PI4K2B: variants seen among roughly 807,000 people sequenced by gnomAD.
PI4K2B encodes the protein phosphatidylinositol 4-kinase type 2-beta.
A neutral mutation model predicts 56.6 loss-of-function variants in PI4K2B; 46 were observed. That is an observed-to-expected ratio of 0.81 (90% CI 0.64 to 1.04). PI4K2B has a LOEUF of 1.04. PI4K2B is among the 50% of genes least tolerant of loss of function. The pLI is 0.00. For missense variants in PI4K2B, 556 were observed against 607.7 expected, an observed-to-expected ratio of 0.91 and a Z score of 0.89; for synonymous variants, 211 against 223.8, an observed-to-expected ratio of 0.94 and a Z score of 0.51.
At chr4:25,242,960 G>A (rs539855775) in intron 1 of PI4K2B, among the ~76,000 whole-genome samples, 15 of 152,330 alleles carry the variant, frequency 9.8e-5, no homozygotes, top group African/African-American at 3.1e-4. Context: ...GGACTTTCAG[G>A]CATAACAAGA....
At position 25,277,220 on chromosome 4, in the gene PI4K2B, G is replaced by T; in HGVS notation, c.*33G>T. On this transcript the variant is annotated 3_prime_UTR_variant, in exon 10 of 10. Coordinates refer to ENST00000264864, the MANE Select transcript of PI4K2B (RefSeq NM_018323.4). ...CAGAGTAAGAGAAACAAACTGTTTA[G>T]AATTATCATGTTTTTAAAACATCAT... The T allele has an allele frequency of 6.4e-7, 1 of 1,552,098 alleles. No homozygotes were observed. The highest frequency in any genetic ancestry group is 1.2e-5 in the South Asian group (1 of 81,598).
intron 6 of PI4K2B, 79 bp from the exon 7 acceptor site, chr4:25,263,671 A>G: frequency 1.8e-6 from 1 of 570,994 alleles, no homozygotes. Context: ...TTAAACCTCA[A>G]TAATTATTAT....
chr4:25,246,678 G>T (rs1715796554), intron 1 of PI4K2B, among the ~76,000 whole-genome samples: 1 of 152,236 alleles, frequency 6.6e-6, no homozygotes, highest in African/African-American at 2.4e-5. Flanking sequence ...GCAGAGGGTG[G>T]TGCTTGTTGG....
intron 6 of PI4K2B, among the ~76,000 whole-genome samples, chr4:25,263,177 T>G (rs1029994401): frequency 6.6e-6 from 1 of 152,114 alleles, no homozygotes; most frequent in African/African-American, 2.4e-5. Context: ...CACATAAGGA[T>G]TACAGGGGAT....
At chr4:25,267,884 T>C (rs1716723950) in intron 7 of PI4K2B, 12 of 983,850 alleles carry the variant, frequency 1.2e-5, no homozygotes, top group Non-Finnish European at 1.4e-5. Context: ...GGTCAATTTC[T>C]GATGATTTGT....
intron 2 of PI4K2B, 23 bp downstream of exon 2, chr4:25,252,498 A>C (rs1407215116): frequency 6.8e-7 from 1 of 1,469,196 alleles, no homozygotes; most frequent in East Asian, 2.3e-5. Context: ...CAGACCTATT[A>C]TATGTAATGG....
chr4:25,241,936 T>C (rs1715542377), intron 1 of PI4K2B, among the ~76,000 whole-genome samples: 1 of 152,184 alleles, frequency 6.6e-6, no homozygotes, highest in Non-Finnish European at 1.5e-5. Context: ...TTCTACTAGA[T>C]GAGTATTTGC....
intron 7 of PI4K2B, among the ~76,000 whole-genome samples, chr4:25,265,347 T>A (rs1009118398): frequency 3.3e-5 from 5 of 152,268 alleles, no homozygotes; most frequent in African/African-American, 1.2e-4. Context: ...TTATTTATGC[T>A]CTTTTTCCCC....
intron 4 of PI4K2B, 41 bp downstream of exon 4, chr4:25,256,715 C>T: frequency 6.3e-7 from 1 of 1,579,414 alleles, no homozygotes; most frequent in Non-Finnish European, 8.7e-7. Flanking sequence ...GGCATTTGGG[C>T]ACATACATCC....
At position 25,234,357 on chromosome 4, in the gene PI4K2B, C is replaced by A; in HGVS notation, c.194C>A (p.Pro65His). The A allele has an allele frequency of 1.4e-6, 2 of 1,412,016 alleles. No homozygotes were observed. Among genetic ancestry groups the A allele is most frequent in the Non-Finnish European group, 9.2e-7 (1 of 1,082,104 alleles). 87.5% of individuals were successfully genotyped at this position (1,412,016 alleles called of 1,614,324 possible). Residue 65 changes from proline to histidine, a missense_variant, in exon 1 of 10, where the codon CCC becomes CAC. Coordinates refer to ENST00000264864, the MANE Select transcript of PI4K2B (RefSeq NM_018323.4). ...EEGEAGDEELPLPPGDVGVSR... is the reference protein window; with the variant it reads ...EEGEAGDEELHLPPGDVGVSR... ...GGCGAGGCCGGCGACGAGGAGCTGCCCCTCCCGCCCGGGGACGTGGGGGTC... is the reference window on the plus strand; with the variant it reads ...GGCGAGGCCGGCGACGAGGAGCTGCACCTCCCGCCCGGGGACGTGGGGGTC...
Position 25,234,235 on chromosome 4 carries a change from G to A in PI4K2B, c.72G>A (p.Gly24=), listed in dbSNP as rs781762663. 1 of 1,428,186 alleles carries A rather than the reference G, an allele frequency of 7.0e-7. No individual in the cohort carries two copies. The highest frequency in any genetic ancestry group is 1.4e-5 in the South Asian group (1 of 70,436). The allele number at this position is 1,428,186 out of a possible 1,614,324, so 88.5% of individuals were successfully genotyped here. A position where few individuals can be genotyped will look rare whatever the true frequency, so the allele number is the denominator to read the frequency against. ...GGAGCCCGGAGGAGGAGGAGGATGGGGAGCGGGAGCCGCTGCTACCGCGGA... is the reference window on the plus strand; with the variant it reads ...GGAGCCCGGAGGAGGAGGAGGATGGAGAGCGGGAGCCGCTGCTACCGCGGA... The part of the protein sequence containing the change: ...DGGSPEEEED[G]EREPLLPRIA... The change falls in exon 1 of 10, where the codon GGG becomes GGA. Residue 24 remains glycine (G), a synonymous_variant. Transcript: ENST00000264864.
rs757714447 is a variant in PI4K2B, at chr4:25,234,213, G to C, written c.50G>C (p.Ser17Thr). The C allele has an allele frequency of 4.2e-6, 6 of 1,414,578 alleles. No homozygotes were observed. The Admixed American group carries it at 1.4e-4, about 33-fold the overall frequency. 87.6% of individuals were successfully genotyped at this position (1,414,578 alleles called of 1,614,324 possible). ...CGGTTGGCGTCCGCGGACGGCGGGA[G>C]CCCGGAGGAGGAGGAGGATGGGGAG... Reference protein sequence around the residue: ...PDRLASADGGSPEEEEDGERE... With the variant: ...PDRLASADGGTPEEEEDGERE... The change falls in exon 1 of 10, where the codon AGC becomes ACC. Residue 17 changes from serine to threonine, a missense_variant. Physicochemically the swap from Ser to Thr is moderately conservative, Grantham distance 58. Transcript: ENST00000264864.
At chr4:25,252,525 T>C (rs1435341211) in intron 2 of PI4K2B, 50 bp downstream of exon 2, 1 of 1,088,970 alleles carries the variant, frequency 9.2e-7, no homozygotes, top group South Asian at 1.3e-5. Context: ...TGGTAAATAC[T>C]AATTTAAATA....
chr4:25,262,896 T>C (rs1189136664), intron 6 of PI4K2B, among the ~76,000 whole-genome samples: 1 of 152,314 alleles, frequency 6.6e-6, no homozygotes, highest in East Asian at 1.9e-4. Context: ...ACTGTATTAG[T>C]ACATTCTCAC....
At chr4:25,246,610 A>G (rs560063458) in intron 1 of PI4K2B, among the ~76,000 whole-genome samples, 101 of 152,300 alleles carry the variant, frequency 6.6e-4, no homozygotes, top group African/African-American at 2.3e-3. Flanking sequence ...TGCCAGTCCC[A>G]CGCCTTGTGC....
chr4:25,260,887 T>C (rs1716450250), intron 6 of PI4K2B, among the ~76,000 whole-genome samples: 1 of 150,046 alleles, frequency 6.7e-6, no homozygotes. Flanking sequence ...TTTTTTTTTT[T>C]TTTAGGGGTG....
chr4:25,253,210 G>A (rs1202145534), intron 2 of PI4K2B, among the ~76,000 whole-genome samples: 1 of 152,210 alleles, frequency 6.6e-6, no homozygotes, highest in East Asian at 1.9e-4. Flanking sequence ...TTTACCAGGG[G>A]AAGGAGGCTT....
intron 1 of PI4K2B, among the ~76,000 whole-genome samples, chr4:25,238,832 G>A (rs1367230903): frequency 2.0e-5 from 3 of 152,154 alleles, no homozygotes; most frequent in Non-Finnish European, 4.4e-5. Flanking sequence ...TGTGGAAGGG[G>A]ACCTGAGCAG....
chr4:25,263,699 G>T, intron 6 of PI4K2B, 51 bp from the exon 7 acceptor site: 8 of 661,964 alleles, frequency 1.2e-5, no homozygotes, highest in South Asian at 4.2e-5. Context: ...TTATCCTTTG[G>T]GAATATTTAT....
Sources: allele counts gnomAD v4.1 joint callset (sites outside exome capture counted in the v4.1 genomes callset), GRCh38; gene constraint gnomAD v4.1.1; transcripts MANE v1.5; gene names NCBI Gene and HGNC (gene_info 2026-07-23, HGNC 2026-07-21).